RPAP2: variants seen among roughly 807,000 people sequenced by gnomAD.
RPAP2 encodes the protein RNA polymerase II associated protein 2.
In RPAP2, 52 loss-of-function variants were observed where a neutral mutation model predicts 73.1. The observed-to-expected ratio is 0.71, with a 90% CI of 0.57 to 0.90. The LOEUF is 0.90. Ranked by LOEUF, RPAP2 falls within the 40% of genes least tolerant of loss-of-function variation. The pLI is 0.00. For synonymous variants in RPAP2, 225 were observed against 242.1 expected (o/e 0.93, Z 0.65); for missense variants, 598 against 701.8 (o/e 0.85, Z 1.67).
At chr1:92,354,593 G>C (rs1290940554) in intron 11 of RPAP2, among the ~76,000 whole-genome samples, 2 of 152,018 alleles carry the variant, frequency 1.3e-5, no homozygotes, top group Non-Finnish European at 2.9e-5. Context: ...TAAACCTAAA[G>C]CATTAAATGC....
intron 9 of RPAP2, among the ~76,000 whole-genome samples, chr1:92,334,436 T>C (rs1243669106): frequency 6.6e-6 from 1 of 152,212 alleles, no homozygotes; most frequent in East Asian, 1.9e-4. Flanking sequence ...TGGATGGTTA[T>C]GATCATTTTA....
intron 8 of RPAP2, among the ~76,000 whole-genome samples, chr1:92,326,667 G>C (rs1652649123): frequency 6.6e-6 from 1 of 152,162 alleles, no homozygotes. Flanking sequence ...TGGTTCCCAG[G>C]TCAGTGGAGC....
chr1:92,374,085 G>T (rs188889867), intron 11 of RPAP2, among the ~76,000 whole-genome samples: 13 of 152,290 alleles, frequency 8.5e-5, no homozygotes, highest in African/African-American at 3.1e-4. Flanking sequence ...AATGGTTATG[G>T]CTGTATTTGA....
intron 6 of RPAP2, among the ~76,000 whole-genome samples, chr1:92,312,186 G>C (rs1422916583): frequency 6.6e-6 from 1 of 152,146 alleles, no homozygotes; most frequent in Non-Finnish European, 1.5e-5. Context: ...CAAGGCAGGA[G>C]GATCACTTAA....
At chr1:92,367,485 A>G (rs1654977453) in intron 11 of RPAP2, among the ~76,000 whole-genome samples, 1 of 152,182 alleles carries the variant, frequency 6.6e-6, no homozygotes, top group Non-Finnish European at 1.5e-5. Context: ...TAATCTTCCT[A>G]CCTTCTCCTT....
intron 1 of RPAP2, among the ~76,000 whole-genome samples, chr1:92,299,561 G>C (rs1300121952): frequency 6.6e-6 from 1 of 152,178 alleles, no homozygotes; most frequent in African/African-American, 2.4e-5. Flanking sequence ...CCCCCAGAGA[G>C]GACGTTTGGC....
In RPAP2 at chr1:92,398,555, G is replaced by C. The variant is rs1418664985; in HGVS notation, c.*11544G>C. ...ACATTATAAGCCCTTCGTAGAAAAAGAAAAGTAAGCATTTCTAGAAGCACA... is the reference window on the plus strand; with the variant it reads ...ACATTATAAGCCCTTCGTAGAAAAACAAAAGTAAGCATTTCTAGAAGCACA... On this transcript the variant is annotated 3_prime_UTR_variant, in exon 13 of 13. Coordinates refer to ENST00000610020, the MANE Select transcript of RPAP2 (RefSeq NM_024813.3). 2 of 152,222 alleles carry C rather than the reference G, an allele frequency of 1.3e-5. No individual in the cohort carries two copies. The highest frequency in any genetic ancestry group is 2.4e-5 in the African/African-American group (1 of 41,444). 9.4% of individuals were successfully genotyped at this position (152,222 alleles called of 1,614,324 possible).
chr1:92,312,139 A>T (rs967636294), intron 6 of RPAP2, among the ~76,000 whole-genome samples: 47 of 152,340 alleles, frequency 3.1e-4, no homozygotes, highest in African/African-American at 1.1e-3. Context: ...GGCCAGGAGC[A>T]GTGACTTATG....
intron 11 of RPAP2, among the ~76,000 whole-genome samples, chr1:92,375,522 C>T (rs1395478690): frequency 6.6e-6 from 1 of 152,082 alleles, no homozygotes; most frequent in East Asian, 1.9e-4. Context: ...TGGTGAAACC[C>T]TGTCTCTACT....
chr1:92,317,031 G>A (rs1651945675), intron 6 of RPAP2, among the ~76,000 whole-genome samples: 2 of 152,302 alleles, frequency 1.3e-5, no homozygotes, highest in Admixed American at 1.3e-4. Context: ...TTGAGTTCCT[G>A]TGAAAGGGAT....
chr1:92,362,852 A>G (rs1654787307), intron 11 of RPAP2, among the ~76,000 whole-genome samples: 1 of 152,192 alleles, frequency 6.6e-6, no homozygotes, highest in Non-Finnish European at 1.5e-5. Context: ...AAAAATTGCC[A>G]GGTTATAACT....
At chr1:92,363,159 A>C (rs1323519279) in intron 11 of RPAP2, among the ~76,000 whole-genome samples, 3 of 152,222 alleles carry the variant, frequency 2.0e-5, no homozygotes, top group Non-Finnish European at 4.4e-5. Context: ...AAGGAAGTGG[A>C]GTCAGTAAAC....
chr1:92,317,250 T>C (rs957339589), intron 6 of RPAP2, among the ~76,000 whole-genome samples: 1 of 152,150 alleles, frequency 6.6e-6, no homozygotes, highest in Admixed American at 6.5e-5. Flanking sequence ...GGCTCACAAC[T>C]GTAATCCCAG....
chr1:92,356,771 T>C (rs1654489095), intron 11 of RPAP2, among the ~76,000 whole-genome samples: 1 of 151,270 alleles, frequency 6.6e-6, no homozygotes, highest in Non-Finnish European at 1.5e-5. Context: ...TTTTGTCTCA[T>C]TAAAAAATGG....
Position 92,323,806 on chromosome 1 carries a change from A to C in RPAP2, c.886A>C (p.Asn296His). Reference sequence around the variant, plus strand: ...ATGTGAACTTCCTTTACAGAAAGTAAATACTCAGAGTTCTTCAAATAGCAC... The same window carrying C: ...ATGTGAACTTCCTTTACAGAAAGTACATACTCAGAGTTCTTCAAATAGCAC... ...ATCELPLQKV[N>H]TQSSSNSTLP... Residue 296 changes from asparagine (N) to histidine (H), a missense_variant, in exon 8 of 13, where the codon AAT becomes CAT. Transcript: ENST00000610020. 1 of 1,614,120 alleles carries C rather than the reference A, an allele frequency of 6.2e-7. No individual in the cohort carries two copies. Among genetic ancestry groups the C allele is most frequent in the Non-Finnish European group, 8.5e-7 (1 of 1,180,000 alleles).
In RPAP2 at chr1:92,391,642, TAAAAAAGAAG is replaced by T. The variant is rs1399565137; in HGVS notation, c.*4636_*4645del. 3 of 151,234 alleles carry T rather than the reference TAAAAAAGAAG, an allele frequency of 2.0e-5. No homozygotes were observed. Among genetic ancestry groups the T allele is most frequent in the African/African-American group, 4.9e-5 (2 of 40,776 alleles). The allele number at this position is 151,234 out of a possible 1,614,324, so 9.4% of individuals were successfully genotyped here. ...AAAATTGATAGACCGTTAGCAAGGCTAAAAAAGAAGAAAAGAGAGAAGAGTCAAATAGATG... is the reference window on the plus strand; with the variant it reads ...AAAATTGATAGACCGTTAGCAAGGCTAAAAGAGAGAAGAGTCAAATAGATG... On this transcript the variant is annotated 3_prime_UTR_variant, in exon 13 of 13. Coordinates refer to ENST00000610020, the MANE Select transcript of RPAP2 (RefSeq NM_024813.3).
chr1:92,300,178 T>G lies in RPAP2; in HGVS notation c.74-16T>G. The G allele has an allele frequency of 6.3e-7, 1 of 1,587,894 alleles. No individual in the cohort carries two copies. Among genetic ancestry groups the G allele is most frequent in the South Asian group, 1.1e-5 (1 of 90,198 alleles). ...GAAATGTCATTATGTAGCACATGAC[T>G]GTATTTTTATTGTAGGTACTAAACA... On this transcript the variant is annotated splice_polypyrimidine_tract_variant and intron_variant, in intron 1 of 12. Transcript: ENST00000610020.
intron 8 of RPAP2, among the ~76,000 whole-genome samples, chr1:92,326,691 T>A (rs1474238779): frequency 6.6e-6 from 1 of 152,144 alleles, no homozygotes; most frequent in Admixed American, 6.5e-5. Context: ...TCCAGGAAGA[T>A]TATGGCTGCC....
chr1:92,366,012 G>A (rs2046616), intron 11 of RPAP2, among the ~76,000 whole-genome samples: 36,361 of 152,068 alleles, frequency 0.24, 5,886 homozygotes, highest in East Asian at 0.85. Flanking sequence ...TGGAAATCAC[G>A]ATAGCTTCTT....
Sources: allele counts gnomAD v4.1 joint callset (sites outside exome capture counted in the v4.1 genomes callset), GRCh38; gene constraint gnomAD v4.1.1; transcripts MANE v1.5; gene names NCBI Gene and HGNC (gene_info 2026-07-23, HGNC 2026-07-21).